The following TBCK variants were observed in gnomAD, a reference collection of about 807,000 sequenced individuals.
TBCK encodes the protein TBC domain-containing protein kinase-like protein.
Under a neutral mutation model 113.4 loss-of-function variants are expected in TBCK, and 99 were observed. That is an observed-to-expected ratio of 0.87 (90% CI 0.74 to 1.03). The LOEUF is 1.03. Ranked by LOEUF, TBCK falls within the 50% of genes least tolerant of loss-of-function variation. The pLI, the probability that TBCK is intolerant of heterozygous loss-of-function variation, is 0.00. For synonymous variants in TBCK, 369 were observed against 370.8 expected (o/e 1.00, Z 0.05); for missense variants, 1,045 against 1,061.3 (o/e 0.98, Z 0.21).
chr4:106,173,996 T>C (rs1031046976), intron 22 of TBCK, among the ~76,000 whole-genome samples: 19 of 152,256 alleles, frequency 1.2e-4, no homozygotes, highest in African/African-American at 4.6e-4. Flanking sequence ...TATTAATTTC[T>C]TCATTGGCAC....
intron 4 of TBCK, among the ~76,000 whole-genome samples, chr4:106,261,694 A>C (rs534228915): frequency 3.9e-5 from 6 of 152,222 alleles, no homozygotes; most frequent in African/African-American, 1.4e-4. Flanking sequence ...AAGAGGAAAG[A>C]AGGCAGAAGA....
chr4:106,188,430 C>G (rs913616239), intron 22 of TBCK, among the ~76,000 whole-genome samples: 53 of 152,084 alleles, frequency 3.5e-4, no homozygotes, highest in African/African-American at 1.3e-3. Flanking sequence ...TATAAACATT[C>G]AATAGTAAAG....
intron 11 of TBCK, among the ~76,000 whole-genome samples, chr4:106,244,177 G>A (rs2150039127): frequency 6.6e-6 from 1 of 152,142 alleles, no homozygotes; most frequent in Middle Eastern, 3.4e-3. Flanking sequence ...CACTAGCACA[G>A]TAATGATCTC....
At chr4:106,311,013 T>C (rs1372687736) in intron 1 of TBCK, among the ~76,000 whole-genome samples, 1 of 152,022 alleles carries the variant, frequency 6.6e-6, no homozygotes, top group Non-Finnish European at 1.5e-5. Flanking sequence ...AATCAAGGAA[T>C]TGCACATTAA....
chr4:106,179,525 C>T (rs903070802), intron 22 of TBCK, among the ~76,000 whole-genome samples: 7 of 152,030 alleles, frequency 4.6e-5, no homozygotes, highest in African/African-American at 9.7e-5. Flanking sequence ...TTCAGAAGCA[C>T]ATCATTTGAT....
intron 2 of TBCK, among the ~76,000 whole-genome samples, chr4:106,299,097 A>C (rs1766643180): frequency 6.6e-6 from 1 of 152,250 alleles, no homozygotes; most frequent in African/African-American, 2.4e-5. Context: ...GGTGCATCAC[A>C]GTAGTACATC....
At chr4:106,207,420 A>G (rs1755655188) in intron 20 of TBCK, among the ~76,000 whole-genome samples, 1 of 152,050 alleles carries the variant, frequency 6.6e-6, no homozygotes, top group Non-Finnish European at 1.5e-5. Context: ...CAAAGTACCC[A>G]CTCTTTTACT....
intron 2 of TBCK, among the ~76,000 whole-genome samples, chr4:106,307,735 T>G (rs1291080804): frequency 6.6e-6 from 1 of 152,154 alleles, no homozygotes; most frequent in Non-Finnish European, 1.5e-5. Flanking sequence ...TTAAAATATT[T>G]TTAAGAAATG....
At chr4:106,075,377 A>C (rs1312906140) in intron 25 of TBCK, among the ~76,000 whole-genome samples, 1 of 152,246 alleles carries the variant, frequency 6.6e-6, no homozygotes, top group Non-Finnish European at 1.5e-5. Context: ...CTGAGTATGG[A>C]GGACGTGAAG....
At chr4:106,269,744 A>C (rs1763305984) in intron 3 of TBCK, among the ~76,000 whole-genome samples, 1 of 152,194 alleles carries the variant, frequency 6.6e-6, no homozygotes, top group Non-Finnish European at 1.5e-5. Flanking sequence ...CAAAATAATC[A>C]AAATAGAACC....
intron 23 of TBCK, among the ~76,000 whole-genome samples, chr4:106,135,126 T>C (rs779193250): frequency 6.6e-6 from 1 of 152,244 alleles, no homozygotes; most frequent in East Asian, 1.9e-4. Context: ...TTGAGAAAGA[T>C]GAAATATCAT....
intron 3 of TBCK, among the ~76,000 whole-genome samples, chr4:106,293,291 G>A (rs1310653446): frequency 6.6e-6 from 1 of 152,134 alleles, no homozygotes; most frequent in Non-Finnish European, 1.5e-5. Flanking sequence ...GTTTTCTGCA[G>A]TGACAGCAAC....
At chr4:106,102,587 T>A (rs1372534423) in intron 24 of TBCK, among the ~76,000 whole-genome samples, 2 of 150,130 alleles carry the variant, frequency 1.3e-5, no homozygotes, top group Non-Finnish European at 3.0e-5. Flanking sequence ...TTACATAGGT[T>A]AAAAAAAAAG....
intron 25 of TBCK, among the ~76,000 whole-genome samples, chr4:106,076,263 C>A (rs1270583681): frequency 7.9e-5 from 12 of 152,046 alleles, no homozygotes; most frequent in Admixed American, 7.9e-4. Flanking sequence ...GGGATTATTA[C>A]CATTTTTGGG....
chr4:106,280,681 AAG>A (rs1764502005), intron 3 of TBCK, among the ~76,000 whole-genome samples: 1 of 152,214 alleles, frequency 6.6e-6, no homozygotes, highest in South Asian at 2.1e-4. Context: ...ATTTACTGAA[AAG>A]ACTTTCCTGT....
At chr4:106,098,385 A>G (rs1741173585) in intron 24 of TBCK, among the ~76,000 whole-genome samples, 1 of 152,088 alleles carries the variant, frequency 6.6e-6, no homozygotes, top group Admixed American at 6.5e-5. Flanking sequence ...AGGAAATAGT[A>G]GCCAAAGTAC....
At chr4:106,169,098 T>C (rs1305700322) in intron 23 of TBCK, among the ~76,000 whole-genome samples, 1 of 152,070 alleles carries the variant, frequency 6.6e-6, no homozygotes, top group Non-Finnish European at 1.5e-5. Flanking sequence ...CCAAGCATCT[T>C]TGAAAAGAGA....
chr4:106,171,076 T>G lies in TBCK; in HGVS notation c.2235+19A>C, dbSNP rs371933684. The G allele has an allele frequency of 1.5e-5, 23 of 1,557,248 alleles. No individual in the cohort carries two copies. Among genetic ancestry groups the G allele is most frequent in the African/African-American group, 2.8e-5 (2 of 72,160 alleles). On this transcript the variant is annotated intron_variant, in intron 23 of 25. Transcript: ENST00000394708. ...CCATCTCCTTTTAGAGTTTGTAAAC[T>G]AAATCCGCAAATACATACCAGATCT...
chr4:106,125,013 A>C (rs1296837910), intron 23 of TBCK, among the ~76,000 whole-genome samples: 2 of 151,106 alleles, frequency 1.3e-5, no homozygotes, highest in East Asian at 3.9e-4. Context: ...AAAAAAAAAA[A>C]AACACAATGT....
Sources: gnomAD v4.1 joint callset for allele counts (sites outside exome capture counted in the v4.1 genomes callset) on GRCh38, gnomAD v4.1.1 for gene constraint, MANE v1.5 for transcripts, NCBI Gene and HGNC (gene_info 2026-07-23, HGNC 2026-07-21) for gene names.